Variants in SHISA9 observed in about 807,000 individuals in gnomAD.
SHISA9 encodes protein shisa-9.
Under a neutral mutation model 38.0 loss-of-function variants are expected in SHISA9, and 13 were observed. The observed-to-expected ratio is 0.34, with a 90% CI of 0.22 to 0.54. The LOEUF is 0.54. Ranked by LOEUF, SHISA9 falls within the 20% of genes least tolerant of loss-of-function variation. The pLI is 0.91. For missense variants in SHISA9, 538 were observed against 575.8 expected (o/e 0.93, Z 0.67); for synonymous variants, 275 against 242.0 (o/e 1.14, Z -1.27).
At chr16:13,395,153 C>T in the SHISA9 span, among the ~76,000 whole-genome samples, 5 of 152,154 alleles carry the variant, frequency 3.3e-5, no homozygotes, top group South Asian at 2.1e-4. Flanking sequence ...GACCTGTGCT[C>T]GCCATAAGAA....
At chr16:13,388,289 G>T in the SHISA9 span, among the ~76,000 whole-genome samples, 4 of 151,836 alleles carry the variant, frequency 2.6e-5, no homozygotes, top group South Asian at 8.3e-4. Context: ...TAGTGCAGTG[G>T]GAAATCCCAG....
chr16:12,965,756 G>A (rs1596553543), intron 2 of SHISA9, among the ~76,000 whole-genome samples: 2 of 152,120 alleles, frequency 1.3e-5, no homozygotes, highest in African/African-American at 2.4e-5. Flanking sequence ...CCCCTCTAGG[G>A]TTTTATCCTC....
chr16:13,478,366 G>T, the SHISA9 span, among the ~76,000 whole-genome samples: 1 of 152,166 alleles, frequency 6.6e-6, no homozygotes. Context: ...AATCAGTGCT[G>T]TGTTCACAAA....
At chr16:13,366,725 T>G in the SHISA9 span, among the ~76,000 whole-genome samples, 1 of 152,046 alleles carries the variant, frequency 6.6e-6, no homozygotes, top group South Asian at 2.1e-4. Flanking sequence ...CAGTGACTCA[T>G]GCCTGTTATC....
chr16:13,196,674 A>G (rs751596410), intron 2 of SHISA9, among the ~76,000 whole-genome samples: 2 of 152,254 alleles, frequency 1.3e-5, no homozygotes, highest in Non-Finnish European at 2.9e-5. Flanking sequence ...ACTGTGACAA[A>G]TATACCACAC....
chr16:13,152,694 G>T (rs2050509887), intron 2 of SHISA9, among the ~76,000 whole-genome samples: 1 of 152,186 alleles, frequency 6.6e-6, no homozygotes, highest in South Asian at 2.1e-4. Flanking sequence ...CACCCAGTTT[G>T]CCAGGCAAGG....
In SHISA9 at chr16:12,909,577, C is replaced by T. The variant is rs563679594; in HGVS notation, c.563+6950C>T. The T allele has an allele frequency of 5.1e-6, 5 of 985,324 alleles. No individual in the cohort carries two copies. The South Asian group carries it at 2.3e-4, about 46-fold the overall frequency. 61.0% of individuals were successfully genotyped at this position (985,324 alleles called of 1,614,324 possible). A position where few individuals can be genotyped will look rare whatever the true frequency, so the allele number is the denominator to read the frequency against. ...GTTCTTTGGATAAGCTAAGCTCATT[C>T]CCATCTTGGAGCTGTTGCACTGGCC... On this transcript the variant is annotated intron_variant, in intron 1 of 4. Transcript: ENST00000558583.
chr16:13,165,880 G>T (rs2050631256), intron 2 of SHISA9, among the ~76,000 whole-genome samples: 1 of 152,154 alleles, frequency 6.6e-6, no homozygotes, highest in South Asian at 2.1e-4. Context: ...TAAAAACAGT[G>T]GGAAGCTTTT....
At chr16:13,283,651 C>G in the SHISA9 span, among the ~76,000 whole-genome samples, 2 of 151,948 alleles carry the variant, frequency 1.3e-5, no homozygotes, top group Admixed American at 1.3e-4. Flanking sequence ...CCAGATCCCT[C>G]CCACAACAGG....
intron 2 of SHISA9, among the ~76,000 whole-genome samples, chr16:12,936,884 C>T (rs776961119): frequency 1.3e-5 from 2 of 152,090 alleles, no homozygotes; most frequent in South Asian, 2.1e-4. Flanking sequence ...TTGAGGTAAA[C>T]GGAATCCAAC....
At chr16:13,200,336 T>C (rs918580242) in intron 2 of SHISA9, among the ~76,000 whole-genome samples, 7 of 151,990 alleles carry the variant, frequency 4.6e-5, no homozygotes, top group African/African-American at 1.7e-4. Flanking sequence ...TCTTAGTTTG[T>C]GTTTCCCCGG....
At chr16:12,985,795 C>G in intron 2 of SHISA9, among the ~76,000 whole-genome samples, 1 of 152,182 alleles carries the variant, frequency 6.6e-6, no homozygotes, top group East Asian at 1.9e-4. Flanking sequence ...CAGCCAGCAC[C>G]AGTGGCTCTT....
chr16:13,307,393 C>T, the SHISA9 span, among the ~76,000 whole-genome samples: 193 of 152,298 alleles, frequency 1.3e-3, no homozygotes, highest in African/African-American at 4.0e-3. Flanking sequence ...AGGATTCAGA[C>T]ATCCAGGAAT....
chr16:13,354,878 C>T, the SHISA9 span, among the ~76,000 whole-genome samples: 1 of 152,058 alleles, frequency 6.6e-6, no homozygotes, highest in Non-Finnish European at 1.5e-5. Flanking sequence ...AGATAGGTAA[C>T]AGTTGAGGAA....
the SHISA9 span, among the ~76,000 whole-genome samples, chr16:13,311,999 T>G: frequency 1.3e-5 from 2 of 152,212 alleles, no homozygotes; most frequent in African/African-American, 4.8e-5. Context: ...GCCCAGTGGC[T>G]TTCAGGAAGG....
the SHISA9 span, among the ~76,000 whole-genome samples, chr16:13,520,998 G>A: frequency 6.6e-6 from 1 of 152,144 alleles, no homozygotes; most frequent in African/African-American, 2.4e-5. Context: ...AGAACACTCA[G>A]AATACACTCC....
intron 4 of SHISA9, among the ~76,000 whole-genome samples, chr16:13,231,493 T>A (rs1473636636): frequency 2.6e-5 from 4 of 152,188 alleles, no homozygotes; most frequent in Admixed American, 1.3e-4. Context: ...TTCATGACAT[T>A]TCAGGAATGT....
the SHISA9 span, among the ~76,000 whole-genome samples, chr16:13,492,135 TC>T: frequency 6.6e-6 from 1 of 152,062 alleles, no homozygotes; most frequent in Non-Finnish European, 1.5e-5. Flanking sequence ...GGCAAGGCTC[TC>T]TGTTCCGGTG....
At chr16:13,330,796 T>C in the SHISA9 span, among the ~76,000 whole-genome samples, 80 of 152,252 alleles carry the variant, frequency 5.3e-4, no homozygotes, top group Admixed American at 2.3e-3. Flanking sequence ...CTTGGCCTCA[T>C]TGGGAGCCAG....
Sources: allele counts gnomAD v4.1 joint callset (sites outside exome capture counted in the v4.1 genomes callset), GRCh38; gene constraint gnomAD v4.1.1; transcripts MANE v1.5; gene names NCBI Gene and HGNC (gene_info 2026-07-23, HGNC 2026-07-21).